The following FANCG variants were observed in gnomAD, a reference collection of about 807,000 sequenced individuals.
FANCG encodes Fanconi anemia group G protein.
FANCG carries 67 observed loss-of-function variants against 73.3 expected under a neutral mutation model. That is an observed-to-expected ratio of 0.91 (90% CI 0.75 to 1.12). The LOEUF (loss-of-function observed/expected upper bound fraction) is 1.12. FANCG is among the 50% of genes most tolerant of loss of function. The pLI, the probability that FANCG is intolerant of heterozygous loss-of-function variation, is 0.00. For synonymous variants in FANCG, 297 were observed against 311.6 expected (o/e 0.95, Z 0.49); for missense variants, 643 against 735.6 (o/e 0.87, Z 1.46).
rs982954702 is a variant in FANCG at position 35,079,659 on chromosome 9, T to C, written c.-135A>G. ...CCGAGCTCCCCTGCTTCTCTCGGGG[T>C]CCCAATCCACCCGCCCAGGCTTTCC... is the stretch of plus-strand genomic sequence containing the variant. On this transcript the variant is annotated 5_prime_UTR_variant, in exon 1 of 14. Coordinates refer to ENST00000378643, the MANE Select transcript of FANCG (RefSeq NM_004629.2). 39 of 857,114 alleles carry C rather than the reference T, an allele frequency of 4.6e-5. No individual in the cohort carries two copies. Among genetic ancestry groups the C allele is most frequent in the Non-Finnish European group, 7.3e-5 (38 of 521,884 alleles). 53.1% of individuals were successfully genotyped at this position (857,114 alleles called of 1,614,324 possible). A position where few individuals can be genotyped will look rare whatever the true frequency, so the allele number is the denominator to read the frequency against.
Position 35,073,913 on chromosome 9 carries a change from G to A in FANCG, c.*195C>T, listed in dbSNP as rs1482689674. 1.5e-6 allele frequency: 1 copy of A among 660,726 alleles called. No individual in the cohort carries two copies. The highest frequency in any genetic ancestry group is 2.2e-5 in the Admixed American group (1 of 44,664). The allele number at this position is 660,726 out of a possible 1,614,324, so 40.9% of individuals were successfully genotyped here. A position where few individuals can be genotyped will look rare whatever the true frequency, so the allele number is the denominator to read the frequency against. On this transcript the variant is annotated 3_prime_UTR_variant, in exon 14 of 14. Coordinates refer to ENST00000378643, the MANE Select transcript of FANCG (RefSeq NM_004629.2). ...GTGCCTCGAGCAAAGTCAATGACTT[G>A]GTGGTGGCAGAGATTGTTTCCTCCA...
Position 35,074,059 on chromosome 9 carries a change from G to A in FANCG, c.*49C>T, listed in dbSNP as rs148311161. The A allele has an allele frequency of 7.3e-6, 10 of 1,361,310 alleles. No homozygotes were observed. The East Asian group carries it at 2.1e-4, about 28-fold the overall frequency. 84.3% of individuals were successfully genotyped at this position (1,361,310 alleles called of 1,614,324 possible). A position where few individuals can be genotyped will look rare whatever the true frequency, so the allele number is the denominator to read the frequency against. ...GGTGAAGCAGAAAGCCCTCCCCACA[G>A]AGAGACAGCCCACTGGGGACCCAGC... On this transcript the variant is annotated 3_prime_UTR_variant, in exon 14 of 14. Coordinates refer to ENST00000378643, the MANE Select transcript of FANCG (RefSeq NM_004629.2).
intron 2 of FANCG, among the ~76,000 whole-genome samples, chr9:35,078,939 C>A (rs556432314): frequency 6.6e-6 from 1 of 152,322 alleles, no homozygotes; most frequent in East Asian, 1.9e-4. Context: ...CCAGATCAGA[C>A]CATCTTGGAA....
Position 35,077,094 on chromosome 9 carries a change from C to T in FANCG, c.654G>A (p.Gln218=), listed in dbSNP as rs1260636663. Residue 218 remains glutamine (Q), a synonymous_variant, in exon 6 of 14, where the codon CAG becomes CAA. Transcript: ENST00000378643. The part of the protein sequence containing the change: ...LTAFAYRQGL[Q]ELITGNPDKA... The stretch of plus-strand genomic sequence containing the variant: ...TGTCTGGGTTCCCTGTGATCAGCTC[C>T]TGGAGACCTGAGGACAGTCAGGGTG... 6 of 1,614,076 alleles carry T rather than the reference C, an allele frequency of 3.7e-6. No individual in the cohort carries two copies. Among genetic ancestry groups the T allele is most frequent in the Non-Finnish European group, 5.1e-6 (6 of 1,180,038 alleles).
At chr9:35,074,757 C>T (rs1829050818) in intron 12 of FANCG, 170 bp downstream of exon 12, 2 of 931,794 alleles carry the variant, frequency 2.1e-6, no homozygotes, top group African/African-American at 1.6e-5. Flanking sequence ...GCCCTGCATA[C>T]ACACTGTGTA....
intron 10 of FANCG, 21 bp downstream of exon 10, chr9:35,075,444 C>G (rs376961485): frequency 2.5e-6 from 4 of 1,614,064 alleles, no homozygotes; most frequent in Admixed American, 1.7e-5. Context: ...CTCCACACCC[C>G]CTCTAGGACC....
chr9:35,075,931 C>T (rs889089609), intron 9 of FANCG, 31 bp downstream of exon 9: 2 of 1,612,398 alleles, frequency 1.2e-6, no homozygotes, highest in Non-Finnish European at 1.7e-6. Flanking sequence ...CCCGTCTACC[C>T]CATTGCAGAG....
chr9:35,078,131 TC>T lies in FANCG; in HGVS notation c.510+9del. 6.2e-7 allele frequency: 1 copy of T among 1,613,478 alleles called. No homozygotes were observed. Among genetic ancestry groups the T allele is most frequent in the African/African-American group, 1.3e-5 (1 of 75,002 alleles). On this transcript the variant is annotated intron_variant, in intron 4 of 13. Coordinates refer to ENST00000378643, the MANE Select transcript of FANCG (RefSeq NM_004629.2). Reference sequence around the variant, plus strand: ...GGAGACCCTCAGCTTCAGGTCACTTTCCCTATTACCTGGCTGCCATTCAGGG... The same window carrying T: ...GGAGACCCTCAGCTTCAGGTCACTTTCCTATTACCTGGCTGCCATTCAGGG...
Position 35,076,796 on chromosome 9 carries a change from C to T in FANCG, c.852G>A (p.Leu284=). The T allele has an allele frequency of 6.2e-7, 1 of 1,614,158 alleles. No homozygotes were observed. The highest frequency in any genetic ancestry group is 2.2e-5 in the East Asian group (1 of 44,878). ...GTTGCTGATAGAGCCTAGAGGCCTC[C>T]AGAAGTGGAGGACCCCAGGCTGATC... The part of the protein sequence containing the change: ...KEGSAWGPPL[L]EASRLYQQLG... The change falls in exon 7 of 14, where the codon CTG becomes CTA. Residue 284 remains leucine, a synonymous_variant. Transcript: ENST00000378643.
At chr9:35,074,350 G>A (rs1194357009) in intron 13 of FANCG, 21 bp downstream of exon 13, 2 of 1,614,134 alleles carry the variant, frequency 1.2e-6, no homozygotes. Context: ...TCAGCCCCAA[G>A]CCAGCAGGCC....
rs765447168 is a variant in FANCG at position 35,077,308 on chromosome 9, T to G, written c.602A>C (p.Gln201Pro). 6.2e-7 allele frequency: 1 copy of G among 1,614,210 alleles called. No individual in the cohort carries two copies. The highest frequency in any genetic ancestry group is 8.5e-7 in the Non-Finnish European group (1 of 1,180,026). The change falls in exon 5 of 14, where the codon CAG (glutamine) becomes CCG (proline). Residue 201 changes from glutamine (Q) to proline (P), a missense_variant. Physicochemically the swap from Gln to Pro is moderately conservative, Grantham distance 76 (BLOSUM62 -1). Coordinates refer to ENST00000378643, the MANE Select transcript of FANCG (RefSeq NM_004629.2). ...LDAPLTLQDA[Q>P]GLKDVLLTAF... ...TGTCAGGAGGACATCCTTCAATCCC[T>G]GGGCATCCTGCAGGGTCAATGGAGC...
chr9:35,079,114 A>T (rs1269519440), intron 2 of FANCG, 37 bp downstream of exon 2: 1 of 1,532,954 alleles, frequency 6.5e-7, no homozygotes, highest in East Asian at 2.3e-5. Context: ...TGGCTATGGA[A>T]GAGGGGAACT....
chr9:35,076,265 A>G (rs1487480900), intron 8 of FANCG, 167 bp downstream of exon 8: 3 of 823,124 alleles, frequency 3.6e-6, no homozygotes, highest in South Asian at 2.8e-5. Context: ...CTTAGAGAAG[A>G]GTCCTCAGTT....
chr9:35,077,537 G>A (rs1223686784), intron 4 of FANCG, 138 bp from the exon 5 acceptor site: 2 of 1,015,356 alleles, frequency 2.0e-6, no homozygotes, highest in African/African-American at 3.2e-5. Flanking sequence ...CCCTTACAAA[G>A]CAAGAAGCTA....
Position 35,076,499 on chromosome 9 carries a change from G to T in FANCG, c.1009C>A (p.Pro337Thr). 6.2e-7 allele frequency: 1 copy of T among 1,614,198 alleles called. No homozygotes were observed. The highest frequency in any genetic ancestry group is 8.5e-7 in the Non-Finnish European group (1 of 1,180,036). Residue 337 changes from proline to threonine, a missense_variant, in exon 8 of 14, where the codon CCC becomes ACC. Pro to Thr is a conservative substitution (Grantham distance 38). Transcript: ENST00000378643. ...LLLPPPDLAS[P>T]LHCGTQSQTK... The stretch of plus-strand genomic sequence containing the variant: ...TGGCTCTGAGTGCCACAATGAAGGG[G>T]TGAGGCTAGGTCAGGTGGTGGCAGT...
Position 35,079,484 on chromosome 9 carries a change from T to C in FANCG, c.41A>G (p.Asp14Gly), listed in dbSNP as rs1829144859. The C allele has an allele frequency of 6.2e-7, 1 of 1,613,904 alleles. No homozygotes were observed. The highest frequency in any genetic ancestry group is 1.3e-5 in the African/African-American group (1 of 74,894). The change falls in exon 1 of 14, where the codon GAC (aspartate) becomes GGC (glycine). Residue 14 changes from aspartate to glycine, a missense_variant. Physicochemically the swap from Asp to Gly is moderately conservative, Grantham distance 94. Coordinates refer to ENST00000378643, the MANE Select transcript of FANCG (RefSeq NM_004629.2). Reference sequence around the variant, plus strand: ...CCGGTCATTCTTTTCCCTCCACAGGTCCAGGCAGCTGGAGCCCACAGAGGT... The same window carrying C: ...CCGGTCATTCTTTTCCCTCCACAGGCCCAGGCAGCTGGAGCCCACAGAGGT... ...QTTSVGSSCL[D>G]LWREKNDRLV...
chr9:35,079,380 C>T, intron 1 of FANCG, 61 bp downstream of exon 1: 2 of 1,604,268 alleles, frequency 1.2e-6, no homozygotes, highest in Non-Finnish European at 1.7e-6. Flanking sequence ...GGTAAATCCA[C>T]TGCAAACCCG....
chr9:35,079,056 C>T, intron 2 of FANCG, 95 bp downstream of exon 2: 2 of 1,085,912 alleles, frequency 1.8e-6, no homozygotes, highest in Non-Finnish European at 2.7e-6. Flanking sequence ...GGACTCCCTG[C>T]CCCGAGTAAT....
intron 2 of FANCG, 139 bp from the exon 3 acceptor site, chr9:35,078,875 T>TA: frequency 1.6e-6 from 2 of 1,250,550 alleles, no homozygotes; most frequent in Non-Finnish European, 1.1e-6. Flanking sequence ...GCTAAGGATT[T>TA]AAAAAAAGAA....
Sources: allele counts gnomAD v4.1 joint callset (sites outside exome capture counted in the v4.1 genomes callset), GRCh38; gene constraint gnomAD v4.1.1; transcripts MANE v1.5; gene names NCBI Gene and HGNC (gene_info 2026-07-23, HGNC 2026-07-21).